SYNPR: variants seen among roughly 807,000 people sequenced by gnomAD.
The protein encoded by SYNPR is synaptoporin.
Under a neutral mutation model 32.9 loss-of-function variants are expected in SYNPR, and 23 were observed. The ratio of observed to expected loss-of-function variants is 0.70; its 90% CI spans 0.50 to 0.99. SYNPR has a LOEUF of 0.99. Ranked by LOEUF, SYNPR falls within the 50% of genes least tolerant of loss-of-function variation. The pLI, the probability that SYNPR is intolerant of heterozygous loss-of-function variation, is 0.00. For synonymous variants in SYNPR, 146 were observed against 135.9 expected (o/e 1.07, Z -0.52); for missense variants, 318 against 349.3 (o/e 0.91, Z 0.71).
At chr3:63,230,218 CT>C (rs1242004993) in intron 1 of SYNPR, among the ~76,000 whole-genome samples, 1 of 152,130 alleles carries the variant, frequency 6.6e-6, no homozygotes. Flanking sequence ...TAATATATAT[CT>C]GAAATAACAC....
At chr3:63,341,932 C>A (rs970421368) in intron 2 of SYNPR, among the ~76,000 whole-genome samples, 1 of 152,104 alleles carries the variant, frequency 6.6e-6, no homozygotes, top group Non-Finnish European at 1.5e-5. Flanking sequence ...AAAGCCATCA[C>A]CCAATCCAAG....
At chr3:63,280,446 A>G (rs2086617789) in intron 2 of SYNPR, among the ~76,000 whole-genome samples, 1 of 152,064 alleles carries the variant, frequency 6.6e-6, no homozygotes, top group African/African-American at 2.4e-5. Context: ...AAAACTCAAA[A>G]GCCCCTTTTA....
chr3:63,315,661 GT>G (rs2087032587), intron 2 of SYNPR, among the ~76,000 whole-genome samples: 1 of 151,784 alleles, frequency 6.6e-6, no homozygotes, highest in South Asian at 2.1e-4. Context: ...GGTTTTCAAG[GT>G]AAACAATCAT....
chr3:63,587,110 C>A (rs1013779661), intron 4 of SYNPR, among the ~76,000 whole-genome samples: 1 of 151,742 alleles, frequency 6.6e-6, no homozygotes, highest in Non-Finnish European at 1.5e-5. Context: ...TTCAAATTAA[C>A]GTCAGAATCC....
At chr3:63,434,251 C>T (rs1172353797) in intron 2 of SYNPR, among the ~76,000 whole-genome samples, 1 of 152,070 alleles carries the variant, frequency 6.6e-6, no homozygotes, top group Non-Finnish European at 1.5e-5. Flanking sequence ...AAAGAAAAAC[C>T]AGAAAGCCAT....
intron 4 of SYNPR, among the ~76,000 whole-genome samples, chr3:63,574,076 G>C (rs1702937388): frequency 6.6e-6 from 1 of 152,064 alleles, no homozygotes. Context: ...AACATTTACA[G>C]GCACCTGGTA....
At chr3:63,606,412 C>CCTTT (rs1700120062) in intron 4 of SYNPR, among the ~76,000 whole-genome samples, 3 of 56,080 alleles carry the variant, frequency 5.3e-5, no homozygotes, top group South Asian at 6.0e-4. Flanking sequence ...GACCTCAAAT[C>CCTTT]CTTTCTTTTT....
intron 2 of SYNPR, among the ~76,000 whole-genome samples, chr3:63,425,955 T>C (rs1238961106): frequency 1.3e-5 from 2 of 152,028 alleles, no homozygotes; most frequent in African/African-American, 4.8e-5. Flanking sequence ...GCTAATTTTT[T>C]TTTGCATTTT....
At chr3:63,504,596 A>T (rs1041328390) in intron 3 of SYNPR, among the ~76,000 whole-genome samples, 8 of 152,170 alleles carry the variant, frequency 5.3e-5, no homozygotes, top group African/African-American at 1.9e-4. Context: ...CTAAAATGCT[A>T]TGCATTTACA....
At chr3:63,399,871 T>C (rs2088265906) in intron 2 of SYNPR, among the ~76,000 whole-genome samples, 1 of 152,238 alleles carries the variant, frequency 6.6e-6, no homozygotes, top group Admixed American at 6.5e-5. Flanking sequence ...GAAGTAAAAG[T>C]GTTGTCAGTT....
rs544228969 is a variant in SYNPR, at chr3:63,253,237, A to T, written n.154+651A>T. On this transcript the variant is annotated intron_variant and non_coding_transcript_variant, in intron 2 of 4. Coordinates refer to the SYNPR transcript ENST00000478456. ...AGCTAAAGGCCATTTAGAGTCAAGT[A>T]TGGTAAATAAGAAAGTCACTCAATT... is the stretch of plus-strand genomic sequence containing the variant. Among the ~76,000 whole-genome samples, 3 of 152,188 alleles carry T rather than the reference A, an allele frequency of 2.0e-5. No individual in the cohort carries two copies. The South Asian group carries it at 6.2e-4, about 32-fold the overall frequency.
intron 2 of SYNPR, among the ~76,000 whole-genome samples, chr3:63,392,918 G>C (rs113483508): frequency 1.4e-4 from 22 of 152,148 alleles, no homozygotes; most frequent in African/African-American, 5.3e-4. Context: ...CTTCCTCAGG[G>C]GCAAGGAACA....
chr3:63,367,033 T>C (rs1304866736), intron 2 of SYNPR, among the ~76,000 whole-genome samples: 1 of 152,174 alleles, frequency 6.6e-6, no homozygotes, highest in Non-Finnish European at 1.5e-5. Context: ...AATGGACAAA[T>C]ACCATTTTGC....
At chr3:63,341,571 A>G (rs1423657361) in intron 2 of SYNPR, among the ~76,000 whole-genome samples, 1 of 152,086 alleles carries the variant, frequency 6.6e-6, no homozygotes, top group Non-Finnish European at 1.5e-5. Flanking sequence ...GTGGTATCTC[A>G]TTGCTCCTTT....
At position 63,293,358 on chromosome 3, in the gene SYNPR, A is replaced by G. The variant is rs80115284; in HGVS notation, c.84+14616A>G. Among the ~76,000 whole-genome samples, 1,331 of 152,308 alleles carry G rather than the reference A, an allele frequency of 8.7e-3. 24 individuals are homozygous for G. Among genetic ancestry groups the G allele is most frequent in the African/African-American group, 0.029 (1,207 of 41,562 alleles). The stretch of plus-strand genomic sequence containing the variant: ...CATGCTATGTAGAGCCGTTTTATGC[A>G]TAAGTGAAATGTTTATTAACAATCA... On this transcript the variant is annotated intron_variant, in intron 2 of 5. Transcript: ENST00000478300.
chr3:63,495,866 T>C (rs1234567194), intron 3 of SYNPR, among the ~76,000 whole-genome samples: 3 of 152,136 alleles, frequency 2.0e-5, no homozygotes, highest in African/African-American at 7.2e-5. Flanking sequence ...TGTATAATAC[T>C]ATAATGATGG....
chr3:63,494,168 A>T, intron 3 of SYNPR, among the ~76,000 whole-genome samples: 1 of 151,572 alleles, frequency 6.6e-6, no homozygotes, highest in African/African-American at 2.4e-5. Context: ...ATTTTCTATT[A>T]TGACATACAT....
intron 2 of SYNPR, among the ~76,000 whole-genome samples, chr3:63,262,610 G>T (rs544297932): frequency 6.6e-6 from 1 of 152,262 alleles, no homozygotes; most frequent in East Asian, 1.9e-4. Flanking sequence ...CACTTAGGTG[G>T]ACTGAGTGCT....
chr3:63,370,464 TC>T (rs527419251), intron 2 of SYNPR, among the ~76,000 whole-genome samples: 388 of 152,348 alleles, frequency 2.5e-3, no homozygotes, highest in African/African-American at 8.7e-3. Context: ...ATTGGATACT[TC>T]CTCTTAATAG....
Sources: gnomAD v4.1 joint callset for allele counts (sites outside exome capture counted in the v4.1 genomes callset) on GRCh38, gnomAD v4.1.1 for gene constraint, MANE v1.5 for transcripts, NCBI Gene and HGNC (gene_info 2026-07-23, HGNC 2026-07-21) for gene names.